The following GPC6 variants were observed in gnomAD, a reference collection of about 807,000 sequenced individuals.
The protein encoded by GPC6 is glypican-6.
In GPC6, 14 loss-of-function variants were observed where a neutral mutation model predicts 55.2. That is an observed-to-expected ratio of 0.25 (90% CI 0.17 to 0.40). The LOEUF (loss-of-function observed/expected upper bound fraction) is 0.40. Among genes scored for constraint, GPC6 ranks in the 10% least tolerant of loss-of-function variants. The probability of loss-of-function intolerance (pLI) is 1.00; values close to 1 mark genes in which losing one functional copy is unlikely to be tolerated. For missense variants in GPC6, 641 were observed against 708.5 expected, an observed-to-expected ratio of 0.90 and a Z score of 1.08; for synonymous variants, 278 against 259.6, an observed-to-expected ratio of 1.07 and a Z score of -0.68.
intron 1 of GPC6, among the ~76,000 whole-genome samples, chr13:93,366,914 G>A (rs747433738): frequency 4.6e-5 from 7 of 151,808 alleles, no homozygotes; most frequent in African/African-American, 7.3e-5. Context: ...TACACAATTC[G>A]TACACTTCCA....
intron 2 of GPC6, among the ~76,000 whole-genome samples, chr13:93,594,982 C>T (rs1210034132): frequency 6.6e-6 from 1 of 152,030 alleles, no homozygotes; most frequent in African/African-American, 2.4e-5. Context: ...ATAGGGAATA[C>T]AAACATTCAG....
intron 3 of GPC6, among the ~76,000 whole-genome samples, chr13:93,902,418 G>T: frequency 6.6e-6 from 1 of 152,258 alleles, no homozygotes; most frequent in South Asian, 2.1e-4. Flanking sequence ...GTATCTCATT[G>T]TGTATATATA....
At chr13:94,024,230 A>G (rs1882809342) in intron 3 of GPC6, among the ~76,000 whole-genome samples, 1 of 152,112 alleles carries the variant, frequency 6.6e-6, no homozygotes, top group African/African-American at 2.4e-5. Context: ...ATATTACACA[A>G]CAGCTATATA....
chr13:94,004,486 C>T (rs1488455943), intron 3 of GPC6, among the ~76,000 whole-genome samples: 1 of 152,126 alleles, frequency 6.6e-6, no homozygotes, highest in East Asian at 1.9e-4. Flanking sequence ...GCACTTGGAA[C>T]ATATTGGAGA....
intron 1 of GPC6, among the ~76,000 whole-genome samples, chr13:93,311,329 G>C (rs1256439943): frequency 3.9e-5 from 6 of 152,152 alleles, no homozygotes; most frequent in Admixed American, 3.9e-4. Context: ...TTCCTTTCAT[G>C]TGATGACCCT....
At chr13:94,397,935 T>C (rs1472681739) in intron 7 of GPC6, among the ~76,000 whole-genome samples, 1 of 152,146 alleles carries the variant, frequency 6.6e-6, no homozygotes, top group Non-Finnish European at 1.5e-5. Context: ...CATGCTGCTG[T>C]TCTCATGATA....
At chr13:94,274,672 T>A (rs1892148387) in intron 4 of GPC6, among the ~76,000 whole-genome samples, 1 of 152,104 alleles carries the variant, frequency 6.6e-6, no homozygotes, top group Admixed American at 6.6e-5. Context: ...AGAGATTGTC[T>A]TGAAAGTTAA....
rs371797037 is a variant in GPC6, at chr13:94,255,452, G to T, written c.878-30897G>T. 9.9e-5 allele frequency among the ~76,000 whole-genome samples: 15 copies of T among 152,258 alleles called. No individual in the cohort carries two copies. In the East Asian group the frequency reaches 1.9e-3, roughly 20 times the overall value. ...ACCACTATAGAAACAGGGAGGAAAA[G>T]GTCACAGAGAAGAGAAGCCATGTGT... On this transcript the variant is annotated intron_variant, in intron 4 of 8. Transcript: ENST00000377047.
chr13:93,815,844 T>A (rs201078267), intron 2 of GPC6, among the ~76,000 whole-genome samples: 10 of 152,156 alleles, frequency 6.6e-5, no homozygotes, highest in Non-Finnish European at 1.5e-4. Context: ...AGCCTGATAT[T>A]TTTTCCTGTT....
At chr13:93,981,961 C>A (rs1282475438) in intron 3 of GPC6, among the ~76,000 whole-genome samples, 1 of 152,082 alleles carries the variant, frequency 6.6e-6, no homozygotes, top group Non-Finnish European at 1.5e-5. Flanking sequence ...TAAATGATGT[C>A]TTTTTTTCTT....
intron 4 of GPC6, among the ~76,000 whole-genome samples, chr13:94,124,031 G>T (rs1004501974): frequency 4.0e-5 from 6 of 151,816 alleles, no homozygotes; most frequent in African/African-American, 1.5e-4. Flanking sequence ...ATGGGGAGGG[G>T]GAATCATTTA....
chr13:93,247,882 A>G (rs1381240079), intron 1 of GPC6, among the ~76,000 whole-genome samples: 1 of 152,210 alleles, frequency 6.6e-6, no homozygotes, highest in Non-Finnish European at 1.5e-5. Context: ...AGTCAACAAA[A>G]TATGTATGGA....
chr13:94,305,163 G>C (rs575398339), intron 5 of GPC6, among the ~76,000 whole-genome samples: 1 of 152,206 alleles, frequency 6.6e-6, no homozygotes, highest in South Asian at 2.1e-4. Flanking sequence ...CTTTATTGTA[G>C]TTATGTTCTA....
At chr13:93,794,575 G>A in intron 2 of GPC6, among the ~76,000 whole-genome samples, 1 of 152,186 alleles carries the variant, frequency 6.6e-6, no homozygotes, top group East Asian at 1.9e-4. Flanking sequence ...TTCTGGGGGG[G>A]AAAAAGAAAG....
intron 1 of GPC6, among the ~76,000 whole-genome samples, chr13:93,380,506 A>G (rs2139203388): frequency 6.6e-6 from 1 of 152,320 alleles, no homozygotes; most frequent in South Asian, 2.1e-4. Context: ...TCAAAGATCT[A>G]GAGAATAGGA....
chr13:94,375,441 A>T (rs551719490), intron 6 of GPC6, among the ~76,000 whole-genome samples: 15 of 152,030 alleles, frequency 9.9e-5, no homozygotes, highest in Admixed American at 9.2e-4. Context: ...TAAACTAGAA[A>T]ATCTAGAAGA....
intron 1 of GPC6, among the ~76,000 whole-genome samples, chr13:93,299,480 G>A (rs1389513753): frequency 6.6e-6 from 1 of 152,206 alleles, no homozygotes; most frequent in Non-Finnish European, 1.5e-5. Flanking sequence ...CTGAATGTCT[G>A]AGTTATTTTG....
intron 3 of GPC6, among the ~76,000 whole-genome samples, chr13:94,024,475 A>G (rs191094463): frequency 2.6e-5 from 4 of 152,232 alleles, no homozygotes; most frequent in Admixed American, 6.5e-5. Context: ...TTTTATTTTA[A>G]TTCAAGCATG....
chr13:93,397,953 T>A (rs545869273), intron 1 of GPC6, among the ~76,000 whole-genome samples: 2 of 152,280 alleles, frequency 1.3e-5, no homozygotes, highest in Non-Finnish European at 2.9e-5. Flanking sequence ...CTGAAAGGGA[T>A]TATATGAAAC....
Sources: gnomAD v4.1 joint callset for allele counts (sites outside exome capture counted in the v4.1 genomes callset) on GRCh38, gnomAD v4.1.1 for gene constraint, MANE v1.5 for transcripts, NCBI Gene and HGNC (gene_info 2026-07-23, HGNC 2026-07-21) for gene names.